GNG12: variants seen among roughly 807,000 people sequenced by gnomAD.
GNG12 encodes guanine nucleotide-binding protein G(I)/G(S)/G(O) subunit gamma-12.
For missense variants in GNG12, 69 were observed against 83.8 expected (o/e 0.82, Z 0.69); for synonymous variants, 28 against 29.7 (o/e 0.94, Z 0.19).
At chr1:67,780,820 T>C (rs1646733500) in intron 1 of GNG12, among the ~76,000 whole-genome samples, 1 of 152,176 alleles carries the variant, frequency 6.6e-6, no homozygotes, top group Admixed American at 6.6e-5. Context: ...CAGTTTTATT[T>C]GACTTTGCAT....
At chr1:67,750,398 G>A (rs557639473) in intron 2 of GNG12, among the ~76,000 whole-genome samples, 1 of 152,300 alleles carries the variant, frequency 6.6e-6, no homozygotes, top group South Asian at 2.1e-4. Context: ...GTGGGCTCAG[G>A]CATTGTAAAA....
At chr1:67,774,229 G>T (rs1646691692) in intron 2 of GNG12, among the ~76,000 whole-genome samples, 2 of 152,178 alleles carry the variant, frequency 1.3e-5, no homozygotes, top group South Asian at 4.1e-4. Context: ...AAGCTCAGAG[G>T]TAAGTCTGTG....
intron 2 of GNG12, among the ~76,000 whole-genome samples, chr1:67,718,643 A>G (rs1355804934): frequency 6.8e-6 from 1 of 147,076 alleles, no homozygotes; most frequent in Non-Finnish European, 1.5e-5. Flanking sequence ...ATTTTACCTG[A>G]GTCTTGGCTC....
Position 67,767,808 on chromosome 1 carries a change from C to T in GNG12, c.-27+9650G>A, listed in dbSNP as rs182356067. ...TTGATGTAGCTTGTTTTCACATGTG[C>T]TACAGTTTGGAATTTATAAGCAAAC... On this transcript the variant is annotated intron_variant, in intron 2 of 3. Coordinates refer to ENST00000370982, the MANE Select transcript of GNG12 (RefSeq NM_018841.6). Among the ~76,000 whole-genome samples the T allele has an allele frequency of 1.3e-3, 205 of 152,332 alleles. 1 individual carries two copies. Among genetic ancestry groups the T allele is most frequent in the Admixed American group, 0.012 (181 of 15,302 alleles).
intron 1 of GNG12, among the ~76,000 whole-genome samples, chr1:67,813,484 G>A (rs1646937592): frequency 6.6e-6 from 1 of 152,134 alleles, no homozygotes; most frequent in Non-Finnish European, 1.5e-5. Flanking sequence ...AAGCATGGGA[G>A]GCCCCTGTTC....
intron 1 of GNG12, among the ~76,000 whole-genome samples, chr1:67,820,633 A>G (rs1646979830): frequency 6.6e-6 from 1 of 152,136 alleles, no homozygotes; most frequent in African/African-American, 2.4e-5. Context: ...GGTGCCATGA[A>G]AAGAGTACTG....
intron 1 of GNG12, among the ~76,000 whole-genome samples, chr1:67,817,011 T>C (rs1236958466): frequency 6.6e-6 from 1 of 152,230 alleles, no homozygotes; most frequent in African/African-American, 2.4e-5. Context: ...ATACAACTTC[T>C]CTAGACATTA....
At chr1:67,783,623 G>GA (rs542142950) in intron 1 of GNG12, among the ~76,000 whole-genome samples, 2,580 of 151,984 alleles carry the variant, frequency 0.017, 88 homozygotes, top group African/African-American at 0.059. Flanking sequence ...AAATTTACTA[G>GA]AAAAAAACAA....
chr1:67,750,182 C>T (rs757294546), intron 2 of GNG12, among the ~76,000 whole-genome samples: 36 of 152,310 alleles, frequency 2.4e-4, no homozygotes, highest in Non-Finnish European at 2.8e-4. Context: ...TTGCTTGGCA[C>T]GCCAGGATCA....
intron 1 of GNG12, among the ~76,000 whole-genome samples, chr1:67,824,706 G>A (rs886167314): frequency 3.3e-5 from 5 of 152,160 alleles, no homozygotes; most frequent in African/African-American, 4.8e-5. Context: ...AGATTGGCAT[G>A]GAAGAGATAA....
In GNG12 at chr1:67,703,793, T is replaced by C. The variant is rs1646228757; in HGVS notation, c.*1658A>G. 6.6e-6 allele frequency: 1 copy of C among 152,234 alleles called. No homozygotes were observed. The highest frequency in any genetic ancestry group is 1.5e-5 in the Non-Finnish European group (1 of 68,044). 9.4% of individuals were successfully genotyped at this position (152,234 alleles called of 1,614,324 possible). ...AATGTGAGCAGTTTGAAAACAGTAA[T>C]GCATTTGTCCACCCTAAATGAGCTA... is the stretch of plus-strand genomic sequence containing the variant. On this transcript the variant is annotated 3_prime_UTR_variant, in exon 4 of 4. Coordinates refer to ENST00000370982, the MANE Select transcript of GNG12 (RefSeq NM_018841.6).
chr1:67,812,218 C>T (rs1056922604), intron 1 of GNG12, among the ~76,000 whole-genome samples: 1 of 151,926 alleles, frequency 6.6e-6, no homozygotes, highest in Non-Finnish European at 1.5e-5. Context: ...TGAGGATCTG[C>T]TGCAGCTTAT....
At chr1:67,727,629 T>C (rs1646394601) in intron 2 of GNG12, among the ~76,000 whole-genome samples, 1 of 152,252 alleles carries the variant, frequency 6.6e-6, no homozygotes, top group Non-Finnish European at 1.5e-5. Context: ...CATACCTATG[T>C]GTCCCATGTA....
intron 3 of GNG12, among the ~76,000 whole-genome samples, chr1:67,706,758 C>G (rs1646251002): frequency 6.6e-6 from 1 of 151,420 alleles, no homozygotes; most frequent in Non-Finnish European, 1.5e-5. Flanking sequence ...TAGATTCAAG[C>G]AATTCTCCTG....
intron 1 of GNG12, among the ~76,000 whole-genome samples, chr1:67,788,325 T>G (rs1254656015): frequency 6.6e-6 from 1 of 151,860 alleles, no homozygotes; most frequent in African/African-American, 2.4e-5. Context: ...TTAACTTTTT[T>G]GATTTGTTTT....
At chr1:67,811,358 C>T (rs1412893450) in intron 1 of GNG12, among the ~76,000 whole-genome samples, 3 of 152,096 alleles carry the variant, frequency 2.0e-5, no homozygotes, top group Non-Finnish European at 4.4e-5. Context: ...TGCTCTTTGG[C>T]CATTAGAGAT....
intron 1 of GNG12, among the ~76,000 whole-genome samples, chr1:67,828,610 C>A (rs528334513): frequency 6.6e-6 from 1 of 152,294 alleles, no homozygotes; most frequent in Admixed American, 6.5e-5. Flanking sequence ...ATCTATCCAA[C>A]CTTCCTGTTA....
At chr1:67,827,231 G>A (rs985570769) in intron 1 of GNG12, among the ~76,000 whole-genome samples, 1 of 152,120 alleles carries the variant, frequency 6.6e-6, no homozygotes, top group Non-Finnish European at 1.5e-5. Context: ...AAGGGGAGTG[G>A]TGGCCTACTG....
chr1:67,737,227 A>C (rs1199490955), intron 2 of GNG12, among the ~76,000 whole-genome samples: 5 of 152,250 alleles, frequency 3.3e-5, no homozygotes, highest in Non-Finnish European at 7.3e-5. Context: ...GCATTGCCAA[A>C]TGGCCTGTGC....
Sources: allele counts gnomAD v4.1 joint callset (sites outside exome capture counted in the v4.1 genomes callset), GRCh38; gene constraint gnomAD v4.1.1; transcripts MANE v1.5; gene names NCBI Gene and HGNC (gene_info 2026-07-23, HGNC 2026-07-21).